CBFB: variants seen among roughly 807,000 people sequenced by gnomAD.
The protein encoded by CBFB is CBF-beta.
CBFB carries 9 observed loss-of-function variants against 30.4 expected under a neutral mutation model. The ratio of observed to expected loss-of-function variants is 0.30; its 90% confidence interval spans 0.18 to 0.52. The LOEUF (loss-of-function observed/expected upper bound fraction) is 0.52. CBFB is among the 20% of genes least tolerant of loss of function. CBFB has a pLI of 0.97. For missense variants in CBFB, 170 were observed against 244.0 expected, an observed-to-expected ratio of 0.70 and a Z score of 2.02; for synonymous variants, 94 against 84.0, an observed-to-expected ratio of 1.12 and a Z score of -0.65.
chr16:67,081,503 T>A (rs1331741958), intron 4 of CBFB, among the ~76,000 whole-genome samples: 1 of 152,094 alleles, frequency 6.6e-6, no homozygotes, highest in Admixed American at 6.6e-5. Context: ...GCTGTTTGTT[T>A]CTGTCGGAAT....
intron 5 of CBFB, among the ~76,000 whole-genome samples, chr16:67,088,986 T>G (rs955111475): frequency 5.9e-5 from 9 of 152,240 alleles, no homozygotes; most frequent in Non-Finnish European, 1.3e-4. Flanking sequence ...TCCTTGAGCA[T>G]TCTTCCATTT....
At chr16:67,078,085 C>T (rs546659747) in intron 4 of CBFB, among the ~76,000 whole-genome samples, 19 of 152,254 alleles carry the variant, frequency 1.2e-4, no homozygotes, top group African/African-American at 4.3e-4. Flanking sequence ...TGGGTAAGCA[C>T]GTGGTTTTTA....
intron 4 of CBFB, among the ~76,000 whole-genome samples, chr16:67,073,364 A>G (rs1355815955): frequency 6.6e-6 from 1 of 152,144 alleles, no homozygotes; most frequent in Non-Finnish European, 1.5e-5. Context: ...ATTCTTCTGA[A>G]AATTTTGCCA....
intron 2 of CBFB, among the ~76,000 whole-genome samples, chr16:67,030,401 TC>T (rs942237724): frequency 1.3e-5 from 2 of 152,004 alleles, no homozygotes; most frequent in Non-Finnish European, 2.9e-5. Context: ...GGGCTGCTGT[TC>T]CTAAAAACTG....
At chr16:67,058,821 C>G (rs1406916635) in intron 3 of CBFB, among the ~76,000 whole-genome samples, 1 of 152,186 alleles carries the variant, frequency 6.6e-6, no homozygotes, top group East Asian at 1.9e-4. Flanking sequence ...TGTTTAAGCT[C>G]TAACAACTTA....
At chr16:67,048,156 T>A (rs1275581477) in intron 3 of CBFB, among the ~76,000 whole-genome samples, 1 of 151,844 alleles carries the variant, frequency 6.6e-6, no homozygotes, top group Non-Finnish European at 1.5e-5. Context: ...GTGGGAGAGT[T>A]GCTTGGGCCT....
At chr16:67,064,270 G>A (rs1481705232) in intron 3 of CBFB, among the ~76,000 whole-genome samples, 1 of 151,926 alleles carries the variant, frequency 6.6e-6, no homozygotes, top group Non-Finnish European at 1.5e-5. Flanking sequence ...GCAGTGGCAC[G>A]ATCTCAGTTT....
intron 3 of CBFB, among the ~76,000 whole-genome samples, chr16:67,055,637 TGAGCCAC>T (rs1567611681): frequency 5.3e-5 from 8 of 152,156 alleles, no homozygotes; most frequent in Admixed American, 3.3e-4. Flanking sequence ...ATTACAGGTG[TGAGCCAC>T]CACACCCGGC....
chr16:67,062,696 G>A (rs539242934), intron 3 of CBFB, among the ~76,000 whole-genome samples: 1 of 151,920 alleles, frequency 6.6e-6, no homozygotes, highest in Non-Finnish European at 1.5e-5. Context: ...GGAGGCTGAG[G>A]CAGGGAGAAT....
Position 67,029,345 on chromosome 16 carries a change from C to G in CBFB, c.-63C>G. ...GGCGGTCAGTCGGTCAGCGCGGAGC[C>G]AGCCAGCGGGTGCCCGCGCAAGCCC... On this transcript the variant is annotated 5_prime_UTR_variant, in exon 1 of 6. Coordinates refer to ENST00000412916, the MANE Select transcript of CBFB (RefSeq NM_022845.3). 1 of 1,244,306 alleles carries G rather than the reference C, an allele frequency of 8.0e-7. No individual in the cohort carries two copies. The highest frequency in any genetic ancestry group is 1.1e-6 in the Non-Finnish European group (1 of 945,924). 77.1% of individuals were successfully genotyped at this position (1,244,306 alleles called of 1,614,324 possible).
At position 67,036,786 on chromosome 16, in the gene CBFB, C is replaced by T. The variant is rs757445250; in HGVS notation, c.282+31C>T. ...AAACATTTCTTTGCAATTTAAAATACTGTGGGTTGTTTTGTTAGAGATTAT... is the reference window on the plus strand; with the variant it reads ...AAACATTTCTTTGCAATTTAAAATATTGTGGGTTGTTTTGTTAGAGATTAT... On this transcript the variant is annotated intron_variant, in intron 3 of 5. Transcript: ENST00000412916. 1.4e-5 allele frequency: 17 copies of T among 1,231,656 alleles called. No homozygotes were observed. In the African/African-American group the frequency reaches 2.4e-4, roughly 17 times the overall value. 76.3% of individuals were successfully genotyped at this position (1,231,656 alleles called of 1,614,324 possible). A position where few individuals can be genotyped will look rare whatever the true frequency, so the allele number is the denominator to read the frequency against.
At chr16:67,072,076 T>C (rs1311600195) in intron 4 of CBFB, among the ~76,000 whole-genome samples, 3 of 152,146 alleles carry the variant, frequency 2.0e-5, no homozygotes, top group East Asian at 1.9e-4. Context: ...GTTAATGTTA[T>C]ATCATTCATA....
intron 3 of CBFB, among the ~76,000 whole-genome samples, chr16:67,062,278 C>T (rs1960933869): frequency 1.3e-5 from 2 of 150,004 alleles, no homozygotes; most frequent in Admixed American, 6.6e-5. Flanking sequence ...AAATGATTCT[C>T]CTGCCTCAGC....
intron 3 of CBFB, among the ~76,000 whole-genome samples, chr16:67,053,673 C>T (rs545585806): frequency 9.9e-5 from 15 of 151,966 alleles, no homozygotes; most frequent in African/African-American, 3.6e-4. Flanking sequence ...CTTGTGAGCA[C>T]AGTCATGAGT....
At chr16:67,058,517 G>A (rs1960798648) in intron 3 of CBFB, among the ~76,000 whole-genome samples, 1 of 152,110 alleles carries the variant, frequency 6.6e-6, no homozygotes, top group South Asian at 2.1e-4. Context: ...TGTAGTGCTG[G>A]AATCTCTTTT....
At chr16:67,049,201 ATTTTT>A (rs1966692491) in intron 3 of CBFB, among the ~76,000 whole-genome samples, 1 of 150,412 alleles carries the variant, frequency 6.6e-6, no homozygotes, top group Non-Finnish European at 1.5e-5. Context: ...CATTTTATTT[ATTTTT>A]TATTTATTTA....
rs1966300267 is a variant in CBFB at position 67,029,738 on chromosome 16, G to A, written c.90G>A (p.Thr30=). 6.3e-7 allele frequency: 1 copy of A among 1,595,226 alleles called. No individual in the cohort carries two copies. Among genetic ancestry groups the A allele is most frequent in the Non-Finnish European group, 8.5e-7 (1 of 1,172,312 alleles). The change falls in exon 2 of 6, where the codon ACG becomes ACA. Residue 30 remains threonine, a synonymous_variant. Coordinates refer to ENST00000412916, the MANE Select transcript of CBFB (RefSeq NM_022845.3). The stretch of plus-strand genomic sequence containing the variant: ...GTCTTGCCTTGCAGATTAAGTACAC[G>A]GGCTTCAGGGACCGGCCCCACGAGG... ...KLSRECEIKY[T]GFRDRPHEER... is the part of the protein sequence containing the mutation.
chr16:67,094,358 A>G (rs1401127494), intron 5 of CBFB, among the ~76,000 whole-genome samples: 1 of 152,128 alleles, frequency 6.6e-6, no homozygotes, highest in Non-Finnish European at 1.5e-5. Context: ...CCCACAAATA[A>G]TAGCAAGACA....
intron 2 of CBFB, among the ~76,000 whole-genome samples, chr16:67,034,836 G>T (rs917312239): frequency 6.6e-6 from 1 of 152,282 alleles, no homozygotes. Flanking sequence ...TTCATTATCT[G>T]AAGCTGAAAA....
Sources: allele counts gnomAD v4.1 joint callset (sites outside exome capture counted in the v4.1 genomes callset), GRCh38; gene constraint gnomAD v4.1.1; transcripts MANE v1.5; gene names NCBI Gene and HGNC (gene_info 2026-07-23, HGNC 2026-07-21).